ARL5A: variants seen among roughly 807,000 people sequenced by gnomAD.
ARL5A encodes the protein ADP-ribosylation factor-like protein 5A.
ARL5A carries 18 observed loss-of-function variants against 25.9 expected under a neutral mutation model. The ratio of observed to expected loss-of-function variants is 0.69; its 90% CI spans 0.48 to 1.03. The LOEUF is 1.03. Among genes scored for constraint, ARL5A ranks in the 50% least tolerant of loss-of-function variants. ARL5A has a pLI of 0.00. For synonymous variants in ARL5A, 61 were observed against 67.5 expected (o/e 0.90, Z 0.47); for missense variants, 170 against 211.9 (o/e 0.80, Z 1.23).
chr2:151,810,852 G>A (rs1319494722), intron 4 of ARL5A, among the ~76,000 whole-genome samples: 2 of 151,948 alleles, frequency 1.3e-5, no homozygotes, highest in Non-Finnish European at 2.9e-5. Context: ...AATAACATTT[G>A]TATCAGTTTT....
intron 4 of ARL5A, among the ~76,000 whole-genome samples, chr2:151,807,441 G>A (rs2099830240): frequency 6.6e-6 from 1 of 152,056 alleles, no homozygotes. Flanking sequence ...CATTTCTCTT[G>A]CATGTATTTC....
chr2:151,827,812 C>A, intron 1 of ARL5A: 2 of 385,626 alleles, frequency 5.2e-6, no homozygotes, highest in Non-Finnish European at 9.3e-6. Context: ...GAAAGACAGG[C>A]CAGGCCGTGC....
At chr2:151,825,997 C>A (rs1446932146) in intron 1 of ARL5A, among the ~76,000 whole-genome samples, 1 of 152,072 alleles carries the variant, frequency 6.6e-6, no homozygotes, top group Non-Finnish European at 1.5e-5. Flanking sequence ...GTGGCACGCA[C>A]CTGTAGTCCA....
At chr2:151,827,239 TG>T (rs2099833183) in intron 1 of ARL5A, among the ~76,000 whole-genome samples, 1 of 152,240 alleles carries the variant, frequency 6.6e-6, no homozygotes, top group Admixed American at 6.5e-5. Context: ...GGGTTAAAAT[TG>T]TATTCTCTTT....
Position 151,800,183 on chromosome 2 carries a change from T to C in ARL5A, c.*3093A>G, listed in dbSNP as rs2151289903. ...AAACTAGAAAGTTGTCTATAGATTT[T>C]CTATTTACACTAATATAAACAGGTT... On this transcript the variant is annotated 3_prime_UTR_variant, in exon 6 of 6. Transcript: ENST00000295087. The C allele has an allele frequency of 6.6e-6, 1 of 152,328 alleles. No homozygotes were observed. The highest frequency in any genetic ancestry group is 2.1e-4 in the South Asian group (1 of 4,826). 9.4% of individuals were successfully genotyped at this position (152,328 alleles called of 1,614,324 possible).
chr2:151,803,532 T>A (rs891038675), intron 5 of ARL5A, among the ~76,000 whole-genome samples: 2 of 152,174 alleles, frequency 1.3e-5, no homozygotes, highest in East Asian at 3.9e-4. Flanking sequence ...TCCTCTTTTT[T>A]AGACAGGGTC....
At chr2:151,815,652 G>T (rs2099831409) in intron 1 of ARL5A, among the ~76,000 whole-genome samples, 1 of 152,138 alleles carries the variant, frequency 6.6e-6, no homozygotes, top group Non-Finnish European at 1.5e-5. Context: ...TTTTTTAAAT[G>T]GGTAATCGTA....
chr2:151,827,766 G>A lies in ARL5A; in HGVS notation c.46+365C>T, dbSNP rs759478250. On this transcript the variant is annotated intron_variant, in intron 1 of 5. Coordinates refer to ENST00000295087, the MANE Select transcript of ARL5A (RefSeq NM_012097.4). ...CCAGAAGACCCCAGCACTTCTATGT[G>A]GTGTCCAAACACAACTGGTGAGCAA... 122 of 288,868 alleles carry A rather than the reference G, an allele frequency of 4.2e-4. 1 individual carries two copies. The highest frequency in any genetic ancestry group is 1.2e-3 in the South Asian group (33 of 27,988). 17.9% of individuals were successfully genotyped at this position (288,868 alleles called of 1,614,324 possible). A position where few individuals can be genotyped will look rare whatever the true frequency, so the allele number is the denominator to read the frequency against.
At chr2:151,820,777 G>T (rs563824835) in intron 1 of ARL5A, among the ~76,000 whole-genome samples, 103 of 151,890 alleles carry the variant, frequency 6.8e-4, no homozygotes, top group Non-Finnish European at 1.2e-4. Context: ...GCTAGCCATG[G>T]AATTTGGGCC....
intron 1 of ARL5A, among the ~76,000 whole-genome samples, chr2:151,821,121 G>A (rs1268378003): frequency 6.6e-6 from 1 of 152,122 alleles, no homozygotes; most frequent in Non-Finnish European, 1.5e-5. Context: ...TCAGTCTCTA[G>A]AACATGTCAT....
chr2:151,808,663 A>G (rs1016699081), intron 4 of ARL5A, among the ~76,000 whole-genome samples: 2 of 152,234 alleles, frequency 1.3e-5, no homozygotes, highest in African/African-American at 4.8e-5. Context: ...AAAGGCAAAA[A>G]ACTTGAAGAG....
At chr2:151,805,469 A>G (rs556069541) in intron 5 of ARL5A, among the ~76,000 whole-genome samples, 1 of 152,274 alleles carries the variant, frequency 6.6e-6, no homozygotes, top group African/African-American at 2.4e-5. Flanking sequence ...TTCACCGCTT[A>G]TTTCTCTTTT....
intron 2 of ARL5A, among the ~76,000 whole-genome samples, 183 bp downstream of exon 2, chr2:151,814,956 C>T (rs1318878307): frequency 1.3e-5 from 2 of 152,094 alleles, no homozygotes; most frequent in African/African-American, 4.8e-5. Context: ...TGCTCAATAT[C>T]ATATAAATTT....
At chr2:151,814,019 C>G in intron 3 of ARL5A, 150 bp downstream of exon 3, 1 of 629,720 alleles carries the variant, frequency 1.6e-6, no homozygotes, top group Non-Finnish European at 2.5e-6. Flanking sequence ...GAACAATGAC[C>G]TTGGAATAGG....
chr2:151,805,295 T>C (rs2099829944), intron 5 of ARL5A, among the ~76,000 whole-genome samples: 1 of 152,116 alleles, frequency 6.6e-6, no homozygotes, highest in Non-Finnish European at 1.5e-5. Flanking sequence ...TGCCTTCTAT[T>C]AAGATTTGCC....
At chr2:151,807,223 C>T (rs1483987091) in intron 4 of ARL5A, among the ~76,000 whole-genome samples, 1 of 152,050 alleles carries the variant, frequency 6.6e-6, no homozygotes, top group African/African-American at 2.4e-5. Flanking sequence ...AGTATATACA[C>T]CACCCACCCC....
rs2099829611 is a variant in ARL5A at position 151,802,835 on chromosome 2, A to G, written c.*441T>C. The stretch of plus-strand genomic sequence containing the variant: ...CAATACACACACAACCTTAAGCAAA[A>G]TACTTTTCATAAGTAACATTACATT... On this transcript the variant is annotated 3_prime_UTR_variant, in exon 6 of 6. Coordinates refer to ENST00000295087, the MANE Select transcript of ARL5A (RefSeq NM_012097.4). The G allele has an allele frequency of 6.4e-6, 1 of 155,986 alleles. No homozygotes were observed. Among genetic ancestry groups the G allele is most frequent in the African/African-American group, 2.4e-5 (1 of 41,492 alleles). The allele number at this position is 155,986 out of a possible 1,614,324, so 9.7% of individuals were successfully genotyped here.
intron 1 of ARL5A, chr2:151,827,330 T>A (rs1448876962): frequency 6.6e-6 from 1 of 152,254 alleles, no homozygotes; most frequent in Non-Finnish European, 1.5e-5. Flanking sequence ...TGGCTGAACT[T>A]AAGCATCCCT....
chr2:151,821,749 A>G (rs2099832338), intron 1 of ARL5A, among the ~76,000 whole-genome samples: 1 of 148,690 alleles, frequency 6.7e-6, no homozygotes, highest in Non-Finnish European at 1.5e-5. Context: ...CTGGGACTAC[A>G]GGCAGGCACT....
Sources: allele counts gnomAD v4.1 joint callset (sites outside exome capture counted in the v4.1 genomes callset), GRCh38; gene constraint gnomAD v4.1.1; transcripts MANE v1.5; gene names NCBI Gene and HGNC (gene_info 2026-07-23, HGNC 2026-07-21).